Variants in AGAP1 observed in about 807,000 individuals in gnomAD.
The protein encoded by AGAP1 is ArfGAP with GTPase domain, ankyrin repeat and PH domain 1, also known as arf-GAP with GTPase, ANK repeat and PH domain-containing protein 1.
A neutral mutation model predicts 105.3 loss-of-function variants in AGAP1; 29 were observed. The observed-to-expected ratio is 0.28, with a 90% confidence interval of 0.21 to 0.38. AGAP1 has a LOEUF of 0.38. Among genes scored for constraint, AGAP1 ranks in the 10% least tolerant of loss-of-function variants. The probability of loss-of-function intolerance (pLI) is 1.00; values close to 1 mark genes in which losing one functional copy is unlikely to be tolerated. For synonymous variants in AGAP1, 509 were observed against 485.9 expected, an observed-to-expected ratio of 1.05 and a Z score of -0.63; for missense variants, 998 against 1,165.1, an observed-to-expected ratio of 0.86 and a Z score of 2.09.
Position 235,714,763 on chromosome 2 carries a change from G to T in AGAP1, c.223-2794G>T, listed in dbSNP as rs1951015152. Among the ~76,000 whole-genome samples, 3 of 152,016 alleles carry T rather than the reference G, an allele frequency of 2.0e-5. No individual in the cohort carries two copies. The highest frequency in any genetic ancestry group is 4.4e-5 in the Non-Finnish European group (3 of 67,992). The stretch of plus-strand genomic sequence containing the variant: ...TTTTCCACACTGTCATGCCAAATTT[G>T]TTCTCTTATATGTTTGTTTGTTTTC... On this transcript the variant is annotated intron_variant, in intron 2 of 17. Transcript: ENST00000304032. This position sits in a 1 kb window ranked among gnomAD's most constrained non-coding sequence, Gnocchi z 4.1.
chr2:235,589,361 A>G (rs1243877558), intron 1 of AGAP1, among the ~76,000 whole-genome samples: 1 of 151,668 alleles, frequency 6.6e-6, no homozygotes, highest in Non-Finnish European at 1.5e-5. Context: ...GCCTGCCACC[A>G]TGCCCGGCTA....
intron 9 of AGAP1, among the ~76,000 whole-genome samples, chr2:235,816,437 CA>C (rs79795818): frequency 0.031 from 2,996 of 97,724 alleles, 62 homozygotes; most frequent in African/African-American, 0.096. Flanking sequence ...GACTCCGTCT[CA>C]AAAAAAAAAA....
rs2054892478 is a variant in AGAP1, at chr2:235,977,074, T to TA, written c.1645+8452dup. On this transcript the variant is annotated intron_variant, in intron 13 of 17. Coordinates refer to ENST00000304032, the MANE Select transcript of AGAP1 (RefSeq NM_001037131.3). The surrounding 1 kb of genome is among the most constrained non-coding windows in gnomAD (Gnocchi z 5.2). ...TCAACTCCTTTTTTTTAGCTAGACT[T>TA]AGAGATTCTCTTCTGCGAGTGGGGC... is the stretch of plus-strand genomic sequence containing the variant. 6.6e-6 allele frequency among the ~76,000 whole-genome samples: 1 copy of TA among 152,168 alleles called. No homozygotes were observed. Among genetic ancestry groups the TA allele is most frequent in the African/African-American group, 2.4e-5 (1 of 41,432 alleles).
At position 235,733,653 on chromosome 2, in the gene AGAP1, T is replaced by G. The variant is rs376431644; in HGVS notation, c.311-7310T>G. Among the ~76,000 whole-genome samples the G allele has an allele frequency of 6.6e-6, 1 of 152,184 alleles. No individual in the cohort carries two copies. Among genetic ancestry groups the G allele is most frequent in the East Asian group, 1.9e-4 (1 of 5,184 alleles). ...GTTCCTTTTGTACCTTACTTAGATC[T>G]CGGTTAAATGAAACCATGAGAGACC... On this transcript the variant is annotated intron_variant, in intron 3 of 17. Coordinates refer to ENST00000304032, the MANE Select transcript of AGAP1 (RefSeq NM_001037131.3). This position sits in a 1 kb window ranked among gnomAD's most constrained non-coding sequence, Gnocchi z 5.0.
At chr2:235,636,275 T>G (rs1946999772) in intron 1 of AGAP1, among the ~76,000 whole-genome samples, 2 of 152,280 alleles carry the variant, frequency 1.3e-5, no homozygotes, top group Admixed American at 6.5e-5. Context: ...TTGGGGCACC[T>G]TTCTGGGACT....
At chr2:235,943,638 C>T (rs2053365044) in intron 12 of AGAP1, among the ~76,000 whole-genome samples, 1 of 152,186 alleles carries the variant, frequency 6.6e-6, no homozygotes, top group Non-Finnish European at 1.5e-5. Context: ...GCATGAGTCA[C>T]CATGCCTGGC....
intron 9 of AGAP1, among the ~76,000 whole-genome samples, chr2:235,863,994 G>A (rs2049042948): frequency 6.6e-6 from 1 of 152,202 alleles, no homozygotes; most frequent in Non-Finnish European, 1.5e-5. Flanking sequence ...TTTATGCGGA[G>A]GACTTGTAAA....
chr2:236,102,283 G>A lies in AGAP1; in HGVS notation c.2115-17909G>A, dbSNP rs532476500. On this transcript the variant is annotated intron_variant, in intron 16 of 17. Coordinates refer to ENST00000304032, the MANE Select transcript of AGAP1 (RefSeq NM_001037131.3). Reference sequence around the variant, plus strand: ...ATACAAAAAATTAGCCGGGCGTGGTGGCGGGTGCCTGTGGTCCGAGCCACT... The same window carrying A: ...ATACAAAAAATTAGCCGGGCGTGGTAGCGGGTGCCTGTGGTCCGAGCCACT... 6.2e-4 allele frequency among the ~76,000 whole-genome samples: 94 copies of A among 151,142 alleles called. 1 individual carries two copies. The highest frequency in any genetic ancestry group is 5.6e-3 in the Admixed American group (84 of 15,100).
intron 10 of AGAP1, among the ~76,000 whole-genome samples, chr2:235,884,537 G>C (rs1364997599): frequency 7.0e-6 from 1 of 143,636 alleles, no homozygotes; most frequent in Non-Finnish European, 1.5e-5. Flanking sequence ...TGCAACCTCT[G>C]CCTCCTGGGT....
At chr2:236,033,411 A>T (rs2057286196) in intron 13 of AGAP1, among the ~76,000 whole-genome samples, 2 of 152,242 alleles carry the variant, frequency 1.3e-5, no homozygotes, top group Non-Finnish European at 2.9e-5. Flanking sequence ...TTACATAATT[A>T]ATCGGGCAGA....
intron 13 of AGAP1, among the ~76,000 whole-genome samples, chr2:235,975,257 C>CT (rs896968283): frequency 1.3e-5 from 2 of 151,972 alleles, no homozygotes; most frequent in African/African-American, 2.4e-5. Context: ...TACCTGAGGA[C>CT]TTTTTTTTAT....
rs1950188442 is a variant in AGAP1 at position 235,700,337 on chromosome 2, TCTTC to T, written c.164-8838_164-8835del. On this transcript the variant is annotated intron_variant, in intron 1 of 17. Coordinates refer to ENST00000304032, the MANE Select transcript of AGAP1 (RefSeq NM_001037131.3). This position sits in a 1 kb window ranked among gnomAD's most constrained non-coding sequence, Gnocchi z 6.1. ...CATTTTAAGAAGGAAAGGGCAATTT[TCTTC>T]CTTGCCGTTTTGACTTTCAAATCCT... 6.6e-6 allele frequency among the ~76,000 whole-genome samples: 1 copy of T among 152,192 alleles called. No homozygotes were observed. Among genetic ancestry groups the T allele is most frequent in the African/African-American group, 2.4e-5 (1 of 41,456 alleles).
At chr2:235,815,251 G>A (rs1200159613) in intron 9 of AGAP1, among the ~76,000 whole-genome samples, 1 of 152,186 alleles carries the variant, frequency 6.6e-6, no homozygotes, top group Non-Finnish European at 1.5e-5. Context: ...TGATCTCTCG[G>A]TTCTAGAGGC....
At chr2:235,630,088 A>C (rs1946778348) in intron 1 of AGAP1, among the ~76,000 whole-genome samples, 1 of 152,184 alleles carries the variant, frequency 6.6e-6, no homozygotes, top group Admixed American at 6.6e-5. Flanking sequence ...AACTTTAAAA[A>C]TATAGGACTG....
chr2:236,010,016 T>A (rs1341118096), intron 13 of AGAP1, among the ~76,000 whole-genome samples: 1 of 152,116 alleles, frequency 6.6e-6, no homozygotes, highest in Admixed American at 6.5e-5. Context: ...AGAATATTTT[T>A]ATTCTGCTTA....
At chr2:235,858,435 T>C in intron 9 of AGAP1, among the ~76,000 whole-genome samples, 1 of 152,206 alleles carries the variant, frequency 6.6e-6, no homozygotes, top group East Asian at 1.9e-4. Flanking sequence ...AGATAAGACA[T>C]TGAGCTTTCA....
intron 10 of AGAP1, among the ~76,000 whole-genome samples, chr2:235,898,470 GT>G (rs1454421906): frequency 4.8e-5 from 6 of 124,824 alleles, no homozygotes; most frequent in Non-Finnish European, 7.0e-5. Flanking sequence ...CAGAGGACAG[GT>G]TCCCCCCCCC....
At chr2:236,118,151 A>G (rs2059815570) in intron 16 of AGAP1, among the ~76,000 whole-genome samples, 1 of 152,180 alleles carries the variant, frequency 6.6e-6, no homozygotes, top group Non-Finnish European at 1.5e-5. Flanking sequence ...AGGTGTAAAC[A>G]AGGCCTTTCC....
chr2:235,914,809 A>T (rs1158171871), intron 11 of AGAP1, among the ~76,000 whole-genome samples: 3 of 152,184 alleles, frequency 2.0e-5, no homozygotes, highest in African/African-American at 7.2e-5. Flanking sequence ...GCACAGCAGC[A>T]GGCTGTGCGA....
Sources: allele counts gnomAD v4.1 joint callset (sites outside exome capture counted in the v4.1 genomes callset), GRCh38; gene constraint gnomAD v4.1.1; non-coding constraint Gnocchi (gnomAD v3.1); transcripts MANE v1.5; gene names NCBI Gene and HGNC (gene_info 2026-07-23, HGNC 2026-07-21).